CTNNA2: variants seen among roughly 807,000 people sequenced by gnomAD.
CTNNA2 encodes catenin alpha 2.
Under a neutral mutation model 101.0 loss-of-function variants are expected in CTNNA2, and 42 were observed. That is an observed-to-expected ratio of 0.42 (90% confidence interval 0.32 to 0.54). The LOEUF (loss-of-function observed/expected upper bound fraction) is 0.54. Ranked by LOEUF, CTNNA2 falls within the 20% of genes least tolerant of loss-of-function variation. The pLI is 0.14. For missense variants in CTNNA2, 871 were observed against 1,223.1 expected, an observed-to-expected ratio of 0.71 and a Z score of 4.29; for synonymous variants, 450 against 456.4, an observed-to-expected ratio of 0.99 and a Z score of 0.18.
At chr2:79,264,283 A>G (rs946300568) in intron 2 of CTNNA2, among the ~76,000 whole-genome samples, 4 of 152,186 alleles carry the variant, frequency 2.6e-5, no homozygotes, top group Non-Finnish European at 5.9e-5. Context: ...TCTTTCTTTC[A>G]TACCACTGGT....
chr2:79,212,986 G>A (rs1019287679), intron 2 of CTNNA2, among the ~76,000 whole-genome samples: 5 of 152,180 alleles, frequency 3.3e-5, no homozygotes, highest in Non-Finnish European at 4.4e-5. Flanking sequence ...CTAGTGGCTT[G>A]TAACCTACAT....
At chr2:80,167,466 T>C (rs1273118911) in intron 7 of CTNNA2, among the ~76,000 whole-genome samples, 1 of 152,222 alleles carries the variant, frequency 6.6e-6, no homozygotes, top group African/African-American at 2.4e-5. Context: ...GGCTAACAGT[T>C]ATGCAATCTT....
chr2:79,196,063 A>C (rs1300144140), intron 1 of CTNNA2, among the ~76,000 whole-genome samples: 1 of 152,010 alleles, frequency 6.6e-6, no homozygotes, highest in African/African-American at 2.4e-5. Context: ...CAGCCTCCTG[A>C]GTAGCTGGGA....
intron 9 of CTNNA2, among the ~76,000 whole-genome samples, chr2:80,487,089 G>A (rs1686647858): frequency 6.6e-6 from 1 of 151,876 alleles, no homozygotes; most frequent in Non-Finnish European, 1.5e-5. Flanking sequence ...TTCCAGACCA[G>A]CGTGACCTTT....
intron 7 of CTNNA2, chr2:80,305,213 C>T (rs2149214894): frequency 3.0e-6 from 3 of 985,340 alleles, no homozygotes; most frequent in Non-Finnish European, 1.2e-6. Context: ...TACTGGAATT[C>T]TGCAGTCAGC....
chr2:80,171,760 T>C (rs1705073999), intron 7 of CTNNA2, among the ~76,000 whole-genome samples: 1 of 152,078 alleles, frequency 6.6e-6, no homozygotes, highest in African/African-American at 2.4e-5. Context: ...TGTCCCAAAC[T>C]CAGTCACATG....
At chr2:79,789,078 G>A (rs1675069008) in intron 3 of CTNNA2, among the ~76,000 whole-genome samples, 1 of 152,102 alleles carries the variant, frequency 6.6e-6, no homozygotes, top group Non-Finnish European at 1.5e-5. Context: ...AAATGTGTTA[G>A]CTAATTAAAT....
intron 7 of CTNNA2, among the ~76,000 whole-genome samples, chr2:80,017,696 G>A (rs988002594): frequency 2.6e-5 from 4 of 152,146 alleles, no homozygotes; most frequent in Admixed American, 1.3e-4. Context: ...CCTTGTCTCG[G>A]AAGGCCTGGG....
chr2:79,770,310 T>C (rs576439454), intron 3 of CTNNA2, among the ~76,000 whole-genome samples: 117 of 152,352 alleles, frequency 7.7e-4, no homozygotes, highest in African/African-American at 2.7e-3. Context: ...GCTATGTGTA[T>C]ATTATTTAGT....
chr2:79,432,905 G>A (rs10496226), intron 4 of CTNNA2, among the ~76,000 whole-genome samples: 48,437 of 152,110 alleles, frequency 0.32, 7,845 homozygotes, highest in South Asian at 0.44. Flanking sequence ...ATTCAAATGG[G>A]ACTCTAGCCA....
At chr2:80,494,478 A>G (rs1158649469) in intron 9 of CTNNA2, among the ~76,000 whole-genome samples, 1 of 152,172 alleles carries the variant, frequency 6.6e-6, no homozygotes, top group East Asian at 1.9e-4. Context: ...TATTAGATGC[A>G]TGGTGGGGGG....
At chr2:79,215,598 A>G (rs1403863860) in intron 2 of CTNNA2, among the ~76,000 whole-genome samples, 10 of 152,168 alleles carry the variant, frequency 6.6e-5, no homozygotes, top group Admixed American at 6.5e-4. Flanking sequence ...CTAGGGCTGT[A>G]AAGTGTCTCA....
At chr2:79,971,880 T>A (rs530016850) in intron 7 of CTNNA2, among the ~76,000 whole-genome samples, 8 of 152,194 alleles carry the variant, frequency 5.3e-5, no homozygotes, top group Non-Finnish European at 1.0e-4. Flanking sequence ...GGAGGTCCCA[T>A]CTAAGGGGGT....
chr2:80,113,698 A>G (rs908376776), intron 7 of CTNNA2, among the ~76,000 whole-genome samples: 6 of 152,376 alleles, frequency 3.9e-5, no homozygotes, highest in Middle Eastern at 3.4e-3. Flanking sequence ...CCTTTACAGA[A>G]AAAGTATGGG....
At chr2:80,013,317 A>G (rs1380033448) in intron 7 of CTNNA2, among the ~76,000 whole-genome samples, 3 of 152,132 alleles carry the variant, frequency 2.0e-5, no homozygotes, top group Non-Finnish European at 2.9e-5. Context: ...AAAAGAACTA[A>G]CCATTACATT....
intron 9 of CTNNA2, among the ~76,000 whole-genome samples, chr2:80,442,585 G>A (rs1412515530): frequency 6.6e-6 from 1 of 152,152 alleles, no homozygotes; most frequent in African/African-American, 2.4e-5. Context: ...GCCATGGCTT[G>A]AGCAAGAGGA....
intron 7 of CTNNA2, among the ~76,000 whole-genome samples, chr2:80,044,343 A>G (rs1696374911): frequency 6.6e-6 from 1 of 150,830 alleles, no homozygotes; most frequent in African/African-American, 2.4e-5. Context: ...TCACTTTGCA[A>G]AAATATTTGC....
intron 4 of CTNNA2, among the ~76,000 whole-genome samples, chr2:79,456,898 A>G (rs187308893): frequency 1.3e-5 from 2 of 152,282 alleles, no homozygotes; most frequent in East Asian, 3.9e-4. Flanking sequence ...GGACATTTCA[A>G]AGGGTTAAAT....
chr2:80,586,442 G>A (rs1695977952), intron 14 of CTNNA2: 1 of 152,182 alleles, frequency 6.6e-6, no homozygotes, highest in African/African-American at 2.4e-5. Context: ...TGTTTTAAAT[G>A]ATGCTGGTTT....
Sources: gnomAD v4.1 joint callset for allele counts (sites outside exome capture counted in the v4.1 genomes callset) on GRCh38, gnomAD v4.1.1 for gene constraint, MANE v1.5 for transcripts, NCBI Gene and HGNC (gene_info 2026-07-23, HGNC 2026-07-21) for gene names.